Variants in STAB2 observed in about 807,000 individuals in gnomAD.
STAB2 encodes stabilin 2, also known as stabilin-2.
A neutral mutation model predicts 338.1 loss-of-function variants in STAB2; 288 were observed. The ratio of observed to expected loss-of-function variants is 0.85; its 90% CI spans 0.77 to 0.94. STAB2 has a LOEUF of 0.94. Among genes scored for constraint, STAB2 ranks in the 40% least tolerant of loss-of-function variants. The pLI is 0.00. For missense variants in STAB2, 3,141 were observed against 3,210.1 expected, an observed-to-expected ratio of 0.98 and a Z score of 0.52; for synonymous variants, 1,202 against 1,193.3, an observed-to-expected ratio of 1.01 and a Z score of -0.15.
chr12:103,746,971 T>TC lies in STAB2; in HGVS notation c.6244+269dup, dbSNP rs201766164. ...TTTCTTTTTTTTTTTTTTTTTTTTTTCCGAGATGGACTTTCACGCTTGTTG... is the reference window on the plus strand; with the variant it reads ...TTTCTTTTTTTTTTTTTTTTTTTTTTCCCGAGATGGACTTTCACGCTTGTTG... On this transcript the variant is annotated intron_variant, in intron 58 of 68. Coordinates refer to ENST00000388887, the MANE Select transcript of STAB2 (RefSeq NM_017564.10). Among the ~76,000 whole-genome samples the TC allele has an allele frequency of 7.7e-3, 923 of 120,294 alleles. 18 individuals are homozygous for TC. The highest frequency in any genetic ancestry group is 0.056 in the East Asian group (264 of 4,710). The allele number at this position is 120,294 out of a possible 152,430, so 78.9% of individuals were successfully genotyped here.
intron 55 of STAB2, 48 bp from the exon 56 acceptor site, chr12:103,742,357 C>G (rs1001458404): frequency 6.2e-7 from 1 of 1,602,050 alleles, no homozygotes; most frequent in Middle Eastern, 1.7e-4. Context: ...TGCTGAGCTG[C>G]TCTGGCTTTG....
chr12:103,753,486 A>C, intron 61 of STAB2, 133 bp downstream of exon 61: 1 of 1,197,670 alleles, frequency 8.3e-7, no homozygotes, highest in Middle Eastern at 2.6e-4. Flanking sequence ...GAACAATGCT[A>C]ACAGTCACCA....
At chr12:103,608,131 T>C (rs1957062016) in intron 3 of STAB2, among the ~76,000 whole-genome samples, 1 of 152,206 alleles carries the variant, frequency 6.6e-6, no homozygotes, top group Non-Finnish European at 1.5e-5. Context: ...ATTTCTCTGA[T>C]GGCCAGTGAT....
In STAB2 at chr12:103,640,056, AAAG is replaced by A. The variant is rs1351851718; in HGVS notation, c.907-61_907-59del. 45 of 1,522,992 alleles carry A rather than the reference AAAG, an allele frequency of 3.0e-5. No homozygotes were observed. The East Asian group carries it at 9.4e-4, about 32-fold the overall frequency. 94.3% of individuals were successfully genotyped at this position (1,522,992 alleles called of 1,614,324 possible). ...TTATGGAAGAATAAAAATACAAATT[AAAG>A]AAGAATGCCAGCTGAAGTAACTAAC... On this transcript the variant is annotated intron_variant, in intron 8 of 68. Transcript: ENST00000388887.
At chr12:103,714,373 A>G (rs778408096) in intron 42 of STAB2, among the ~76,000 whole-genome samples, 9 of 152,204 alleles carry the variant, frequency 5.9e-5, no homozygotes, top group Admixed American at 1.3e-4. Flanking sequence ...CACAAAAAAG[A>G]CCCACTTGTT....
intron 39 of STAB2, among the ~76,000 whole-genome samples, chr12:103,709,594 G>A (rs1486459667): frequency 2.6e-5 from 4 of 152,216 alleles, no homozygotes; most frequent in Admixed American, 6.5e-5. Context: ...GGCATTGACA[G>A]AGGGGGCGTC....
intron 68 of STAB2, among the ~76,000 whole-genome samples, chr12:103,764,618 C>T (rs560400799): frequency 2.0e-5 from 3 of 152,084 alleles, no homozygotes; most frequent in Non-Finnish European, 4.4e-5. Flanking sequence ...TGTTTTCTTC[C>T]ACCATGTTGA....
intron 27 of STAB2, among the ~76,000 whole-genome samples, chr12:103,685,706 T>A (rs1877367385): frequency 6.6e-6 from 1 of 152,170 alleles, no homozygotes; most frequent in Admixed American, 6.5e-5. Context: ...CCCAAATATT[T>A]AACCACCAGT....
chr12:103,664,909 G>C (rs1874943119), intron 18 of STAB2, among the ~76,000 whole-genome samples: 1 of 152,180 alleles, frequency 6.6e-6, no homozygotes, highest in Non-Finnish European at 1.5e-5. Flanking sequence ...CCAGTCCCCA[G>C]CAGTGATTTA....
At chr12:103,681,438 G>T (rs1383068270) in intron 25 of STAB2, among the ~76,000 whole-genome samples, 1 of 151,964 alleles carries the variant, frequency 6.6e-6, no homozygotes, top group Non-Finnish European at 1.5e-5. Flanking sequence ...GTGTCATCAG[G>T]GTTGTTTCCA....
intron 35 of STAB2, 116 bp downstream of exon 35, chr12:103,703,392 C>A: frequency 7.8e-7 from 1 of 1,289,972 alleles, no homozygotes; most frequent in Non-Finnish European, 1.1e-6. Context: ...CCATAAACCA[C>A]TGAATGAGTA....
At chr12:103,742,822 A>G (rs1882694923) in intron 56 of STAB2, among the ~76,000 whole-genome samples, 1 of 152,164 alleles carries the variant, frequency 6.6e-6, no homozygotes, top group Non-Finnish European at 1.5e-5. Flanking sequence ...CATTCAACCA[A>G]TGTGGATTTA....
chr12:103,712,473 G>C (rs192792532), intron 41 of STAB2, 30 bp downstream of exon 41: 1 of 1,561,718 alleles, frequency 6.4e-7, no homozygotes. Flanking sequence ...TGCTGGGGGG[G>C]CTGGCAAGGC....
intron 50 of STAB2, among the ~76,000 whole-genome samples, chr12:103,732,315 A>G (rs192636095): frequency 6.6e-6 from 1 of 152,194 alleles, no homozygotes; most frequent in Non-Finnish European, 1.5e-5. Context: ...TCTCAAAAAC[A>G]AAAAAGACAT....
intron 5 of STAB2, among the ~76,000 whole-genome samples, chr12:103,627,528 G>T (rs991686447): frequency 6.6e-6 from 1 of 152,210 alleles, no homozygotes; most frequent in Non-Finnish European, 1.5e-5. Context: ...AGTACCAAGG[G>T]CTCTTTCAAT....
chr12:103,605,804 T>A (rs1405886555), intron 3 of STAB2, among the ~76,000 whole-genome samples: 11 of 152,084 alleles, frequency 7.2e-5, no homozygotes, highest in Non-Finnish European at 1.6e-4. Flanking sequence ...TTTTGACTAA[T>A]GTTAGTGTGC....
chr12:103,735,311 C>G (rs1467383317), intron 51 of STAB2, among the ~76,000 whole-genome samples, 180 bp from the exon 52 acceptor site: 1 of 152,234 alleles, frequency 6.6e-6, no homozygotes, highest in Non-Finnish European at 1.5e-5. Context: ...AATTTCCAAC[C>G]TCCCAGAGAG....
At chr12:103,657,222 G>A (rs564005663) in intron 15 of STAB2, among the ~76,000 whole-genome samples, 14 of 88,696 alleles carry the variant, frequency 1.6e-4, no homozygotes, top group African/African-American at 6.3e-4. Context: ...TACTTAAAGT[G>A]AGCTAAAAAA....
At chr12:103,609,912 C>G (rs1005783138) in intron 3 of STAB2, among the ~76,000 whole-genome samples, 5 of 152,124 alleles carry the variant, frequency 3.3e-5, no homozygotes, top group Non-Finnish European at 2.9e-5. Context: ...GTTGAATTTT[C>G]TCAAAGGCCT....
Sources: gnomAD v4.1 joint callset for allele counts (sites outside exome capture counted in the v4.1 genomes callset) on GRCh38, gnomAD v4.1.1 for gene constraint, MANE v1.5 for transcripts, NCBI Gene and HGNC (gene_info 2026-07-23, HGNC 2026-07-21) for gene names.